The following KBTBD11 variants were observed in gnomAD, a reference collection of about 807,000 sequenced individuals.
KBTBD11 encodes the protein kelch repeat and BTB domain-containing protein 11.
For missense variants in KBTBD11, 1,390 were observed against 1,001.8 expected (o/e 1.39, Z -5.23); for synonymous variants, 747 against 499.0 (o/e 1.50, Z -6.63).
At position 2,002,388 on chromosome 8, in the gene KBTBD11, G is replaced by A. The variant is rs768211399; in HGVS notation, c.1196G>A (p.Arg399His). ...AGCTGGAGCGCCGTGAGGCCCCTGC[G>A]CCAGGCGCGCTCGCAGCTGCGGCTG... ...TDSWSAVRPL[R>H]QARSQLRLLA... is the part of the protein sequence containing the mutation. The change falls in exon 2 of 2, where the codon CGC (arginine) becomes CAC (histidine). Residue 399 changes from arginine (R) to histidine (H), a missense_variant. Transcript: ENST00000320248. This position sits in a 1 kb window ranked among gnomAD's most constrained non-coding sequence, Gnocchi z 4.1. 1.2e-5 allele frequency: 18 copies of A among 1,479,468 alleles called. No homozygotes were observed. The South Asian group carries it at 1.8e-4, about 15-fold the overall frequency. 91.6% of individuals were successfully genotyped at this position (1,479,468 alleles called of 1,614,324 possible).
intron 1 of KBTBD11, among the ~76,000 whole-genome samples, chr8:1,990,113 C>T (rs1449922734): frequency 6.6e-6 from 1 of 152,164 alleles, no homozygotes; most frequent in Non-Finnish European, 1.5e-5. Context: ...GGTAGATCTG[C>T]CTGTCTCAAG....
rs34875324 is a variant in KBTBD11 at position 1,977,081 on chromosome 8, A to AG, written c.-909+3147dup. On this transcript the variant is annotated intron_variant, in intron 1 of 1. Transcript: ENST00000320248. ...TTGTAAACTTTCTTAAAACATTATG[A>AG]GTTTTTTTTTTTTTTAAGCTCATCA... Among the ~76,000 whole-genome samples, 662 of 143,102 alleles carry AG rather than the reference A, an allele frequency of 4.6e-3. 5 individuals carry two copies. The highest frequency in any genetic ancestry group is 0.017 in the African/African-American group (639 of 37,390). The allele number at this position is 143,102 out of a possible 152,430, so 93.9% of individuals were successfully genotyped here.
In KBTBD11 at chr8:2,001,208, GC is replaced by G; in HGVS notation, c.21del (p.Cys8AlafsTer172). 2 of 1,387,892 alleles carry G rather than the reference GC, an allele frequency of 1.4e-6. No individual in the cohort carries two copies. Among genetic ancestry groups the G allele is most frequent in the Non-Finnish European group, 1.9e-6 (2 of 1,068,478 alleles). The allele number at this position is 1,387,892 out of a possible 1,614,324, so 86.0% of individuals were successfully genotyped here. On this transcript the variant is annotated frameshift_variant, in exon 2 of 2. Coordinates refer to ENST00000320248, the MANE Select transcript of KBTBD11 (RefSeq NM_014867.3). LOFTEE classifies it low-confidence loss of function (END_TRUNC). MEHAVAPCVLYPGTEP... is the reference protein window; with the variant it reads MEHAVXPCVLYPGTEP... ...CAGCCCGGCCATGGAGCACGCGGTG[GC>G]CCCCTGCGTCCTCTACCCAGGGACT...
chr8:1,976,392 AAATT>A (rs1180343115), intron 1 of KBTBD11: 1 of 152,218 alleles, frequency 6.6e-6, no homozygotes, highest in East Asian at 1.9e-4. Context: ...CTTTAAGAAT[AAATT>A]AAAGCATCTA....
chr8:2,000,476 C>T lies in KBTBD11; in HGVS notation c.-717C>T, dbSNP rs1189699011. ...TGGATGCCGACACACGGGGAGAGCT[C>T]CTGAGACCAGCACACAGGACCAGTG... On this transcript the variant is annotated 5_prime_UTR_variant, in exon 2 of 2. Coordinates refer to ENST00000320248, the MANE Select transcript of KBTBD11 (RefSeq NM_014867.3). 1.3e-5 allele frequency: 2 copies of T among 152,170 alleles called. No homozygotes were observed. The highest frequency in any genetic ancestry group is 2.9e-5 in the Non-Finnish European group (2 of 68,046). The allele number at this position is 152,170 out of a possible 1,614,324, so 9.4% of individuals were successfully genotyped here.
In KBTBD11 at chr8:1,980,228, C is replaced by CTTTTTTT. The variant is rs71211538; in HGVS notation, c.-909+6304_-909+6310dup. On this transcript the variant is annotated intron_variant, in intron 1 of 1. Transcript: ENST00000320248. ...ATGATGTGAAATACTGATAATCAAA[C>CTTTTTTT]TTTTTTTTTTTTTTTTTGAGATGGG... Among the ~76,000 whole-genome samples the CTTTTTTT allele has an allele frequency of 6.4e-5, 8 of 124,614 alleles. 1 individual carries two copies. The highest frequency in any genetic ancestry group is 2.4e-4 in the East Asian group (1 of 4,220). The allele number at this position is 124,614 out of a possible 152,430, so 81.8% of individuals were successfully genotyped here.
intron 1 of KBTBD11, among the ~76,000 whole-genome samples, chr8:1,993,482 TATCCGTCCATCCGTCCATCCATCC>T (rs1817002437): frequency 7.9e-6 from 1 of 126,868 alleles, no homozygotes; most frequent in Non-Finnish European, 1.7e-5. Context: ...TCCATCCATC[TATCCGTCCATCCGTCCATCCATCC>T]ATCCATCCAT....
Position 2,001,887 on chromosome 8 carries a change from G to T in KBTBD11, c.695G>T (p.Ser232Ile), listed in dbSNP as rs774034259. The change falls in exon 2 of 2, where the codon AGC becomes ATC. Residue 232 changes from serine (S) to isoleucine (I), a missense_variant. Physicochemically the swap from Ser to Ile is moderately radical, Grantham distance 142 (BLOSUM62 -2). Transcript: ENST00000320248. ...RATDAVGPQL[S>I]LANCYEVLSA... Reference sequence around the variant, plus strand: ...ACCGACGCCGTGGGGCCGCAGCTGAGCCTGGCCAACTGCTACGAGGTCCTG... The same window carrying T: ...ACCGACGCCGTGGGGCCGCAGCTGATCCTGGCCAACTGCTACGAGGTCCTG... 5.0e-6 allele frequency: 7 copies of T among 1,392,786 alleles called. No homozygotes were observed. The highest frequency in any genetic ancestry group is 6.6e-6 in the Non-Finnish European group (7 of 1,062,990). 86.3% of individuals were successfully genotyped at this position (1,392,786 alleles called of 1,614,324 possible). A position where few individuals can be genotyped will look rare whatever the true frequency, so the allele number is the denominator to read the frequency against.
chr8:2,006,375 G>C lies in KBTBD11; in HGVS notation c.*3311G>C, dbSNP rs556617840. ...CAAATGTAAACAAAAGTGCATTTTT[G>C]TATTCTTGTTAATTTTAGATGCTTT... On this transcript the variant is annotated 3_prime_UTR_variant, in exon 2 of 2. Coordinates refer to ENST00000320248, the MANE Select transcript of KBTBD11 (RefSeq NM_014867.3). The C allele has an allele frequency of 6.0e-6, 1 of 167,050 alleles. No homozygotes were observed. Among genetic ancestry groups the C allele is most frequent in the South Asian group, 2.1e-4 (1 of 4,830 alleles). 10.3% of individuals were successfully genotyped at this position (167,050 alleles called of 1,614,324 possible).
intron 1 of KBTBD11, among the ~76,000 whole-genome samples, chr8:1,997,593 G>C (rs556823263): frequency 1.3e-5 from 2 of 152,362 alleles, no homozygotes; most frequent in East Asian, 3.9e-4. Context: ...GCCTCCTAGA[G>C]GGGCGGCGGA....
Position 2,001,659 on chromosome 8 carries a change from C to A in KBTBD11, c.467C>A (p.Ala156Glu). 6.8e-7 allele frequency: 1 copy of A among 1,468,118 alleles called. No individual in the cohort carries two copies. Among genetic ancestry groups the A allele is most frequent in the Non-Finnish European group, 9.0e-7 (1 of 1,114,750 alleles). The allele number at this position is 1,468,118 out of a possible 1,614,324, so 90.9% of individuals were successfully genotyped here. Residue 156 changes from alanine (A) to glutamate (E), a missense_variant, in exon 2 of 2, where the codon GCG becomes GAG. Coordinates refer to ENST00000320248, the MANE Select transcript of KBTBD11 (RefSeq NM_014867.3). ...VSGRRLRAHK[A>E]VLAARSDYFR... ...GGGCGCCGGCTGCGCGCGCACAAGG[C>A]GGTGCTGGCGGCGCGCAGCGACTAC...
chr8:1,978,290 G>C (rs9657382), intron 1 of KBTBD11, among the ~76,000 whole-genome samples: 90,172 of 152,118 alleles, frequency 0.59, 27,642 homozygotes, highest in East Asian at 0.82. Flanking sequence ...CATTCATTTT[G>C]CTTAAAAGTC....
intron 1 of KBTBD11, among the ~76,000 whole-genome samples, chr8:1,988,431 G>C (rs1816772289): frequency 2.0e-5 from 3 of 152,170 alleles, no homozygotes. Context: ...ATTCTAACTG[G>C]TGTGAGATGG....
intron 1 of KBTBD11, among the ~76,000 whole-genome samples, chr8:1,989,511 G>A (rs1177300346): frequency 1.3e-5 from 2 of 152,132 alleles, no homozygotes; most frequent in Non-Finnish European, 2.9e-5. Context: ...CAGGTGTATC[G>A]TCGTGTCAGC....
Position 2,003,223 on chromosome 8 carries a change from C to T in KBTBD11, c.*159C>T, listed in dbSNP as rs916087442. On this transcript the variant is annotated 3_prime_UTR_variant, in exon 2 of 2. Transcript: ENST00000320248. Reference sequence around the variant, plus strand: ...CCGAGGACGCTCTCAGGGCCGCTTTCGCTTTGCTTTCCTTTTGCTTGTCTT... The same window carrying T: ...CCGAGGACGCTCTCAGGGCCGCTTTTGCTTTGCTTTCCTTTTGCTTGTCTT... The T allele has an allele frequency of 1.0e-5, 12 of 1,147,158 alleles. No individual in the cohort carries two copies. The East Asian group carries it at 1.9e-4, about 19-fold the overall frequency. 71.1% of individuals were successfully genotyped at this position (1,147,158 alleles called of 1,614,324 possible).
rs1394749362 is a variant in KBTBD11, at chr8:2,001,946, C to T, written c.754C>T (p.Arg252Cys). Reference protein sequence around the residue: ...AAKRQRLNELRDAAYCFMSDH... With the variant: ...AAKRQRLNELCDAAYCFMSDH... ...CAAGCGGCAGCGGCTGAACGAGCTG[C>T]GCGACGCCGCCTACTGCTTCATGAG... Residue 252 changes from arginine (R) to cysteine (C), a missense_variant, in exon 2 of 2, where the codon CGC becomes TGC. Physicochemically the swap from Arg to Cys is radical, Grantham distance 180. Transcript: ENST00000320248. 24 of 1,473,334 alleles carry T rather than the reference C, an allele frequency of 1.6e-5. No homozygotes were observed. Among genetic ancestry groups the T allele is most frequent in the Non-Finnish European group, 1.9e-5 (21 of 1,109,268 alleles). 91.3% of individuals were successfully genotyped at this position (1,473,334 alleles called of 1,614,324 possible). A position where few individuals can be genotyped will look rare whatever the true frequency, so the allele number is the denominator to read the frequency against.
intron 1 of KBTBD11, among the ~76,000 whole-genome samples, chr8:1,989,607 A>G (rs1008740554): frequency 3.3e-5 from 5 of 152,220 alleles, no homozygotes; most frequent in African/African-American, 7.2e-5. Flanking sequence ...AATCAGATAC[A>G]GGAAGCAGAT....
intron 1 of KBTBD11, among the ~76,000 whole-genome samples, chr8:1,994,406 G>A (rs1817055097): frequency 6.6e-6 from 1 of 152,222 alleles, no homozygotes; most frequent in Non-Finnish European, 1.5e-5. Flanking sequence ...GCTCAGCCCC[G>A]TGCATGGCTG....
chr8:1,978,187 C>A (rs1816415898), intron 1 of KBTBD11, among the ~76,000 whole-genome samples: 1 of 152,184 alleles, frequency 6.6e-6, no homozygotes, highest in African/African-American at 2.4e-5. Flanking sequence ...TGTGTTGTTC[C>A]CCTCCCTGAG....
Sources: gnomAD v4.1 joint callset for allele counts (sites outside exome capture counted in the v4.1 genomes callset) on GRCh38, gnomAD v4.1.1 for gene constraint, Gnocchi (gnomAD v3.1) non-coding constraint, MANE v1.5 for transcripts, NCBI Gene and HGNC (gene_info 2026-07-23, HGNC 2026-07-21) for gene names.